The following WDR64 variants were observed in gnomAD, a reference collection of about 807,000 sequenced individuals.
WDR64 encodes WD repeat-containing protein 64.
WDR64 carries 112 observed loss-of-function variants against 139.3 expected under a neutral mutation model. The ratio of observed to expected loss-of-function variants is 0.80; its 90% CI spans 0.69 to 0.94. The LOEUF is 0.94. Ranked by LOEUF, WDR64 falls within the 40% of genes least tolerant of loss-of-function variation. The pLI is 0.00. For missense variants in WDR64, 1,206 were observed against 1,293.1 expected, an observed-to-expected ratio of 0.93 and a Z score of 1.03; for synonymous variants, 444 against 437.7, an observed-to-expected ratio of 1.01 and a Z score of -0.18.
rs1658609904 is a variant in WDR64 at position 241,775,095 on chromosome 1, C to T, written c.2431-10C>T. ...AAGAAAAAGTTTTATTTGCATTATACTTTATTTAGGGAAGACTACTGAAAG... is the reference window on the plus strand; with the variant it reads ...AAGAAAAAGTTTTATTTGCATTATATTTTATTTAGGGAAGACTACTGAAAG... On this transcript the variant is annotated splice_polypyrimidine_tract_variant and intron_variant, in intron 20 of 27. Transcript: ENST00000437684. 1 of 1,545,516 alleles carries T rather than the reference C, an allele frequency of 6.5e-7. No individual in the cohort carries two copies. Among genetic ancestry groups the T allele is most frequent in the South Asian group, 1.2e-5 (1 of 83,182 alleles).
In WDR64 at chr1:241,780,012, G is replaced by A. The variant is rs1221706234; in HGVS notation, c.2545G>A (p.Val849Ile). 6.3e-7 allele frequency: 1 copy of A among 1,589,680 alleles called. No individual in the cohort carries two copies. The highest frequency in any genetic ancestry group is 1.4e-5 in the African/African-American group (1 of 72,932). The stretch of plus-strand genomic sequence containing the variant: ...GTTTAAATTTTATACAGAAGGACAT[G>A]TTATCCTTTGCAATATTAGCTCTTT... Reference protein sequence around the residue: ...ILLAGNVEGHVILCNISSFLD... With the variant: ...ILLAGNVEGHIILCNISSFLD... The change falls in exon 22 of 28, where the codon GTT becomes ATT. Residue 849 changes from valine to isoleucine, a missense_variant. Transcript: ENST00000437684.
At position 241,749,765 on chromosome 1, in the gene WDR64, T is replaced by TC. The variant is rs398090021; in HGVS notation, c.1770+43_1770+44insC. 3 of 1,599,150 alleles carry TC rather than the reference T, an allele frequency of 1.9e-6. No individual in the cohort carries two copies. In the African/African-American group the frequency reaches 4.0e-5, roughly 22 times the overall value. Reference sequence around the variant, plus strand: ...ATACTCGTACTGCAGGTGCCCTTTTTGGGAAAATCAAATGAGTCAGTGGAT... The same window carrying TC: ...ATACTCGTACTGCAGGTGCCCTTTTTCGGGAAAATCAAATGAGTCAGTGGAT... On this transcript the variant is annotated intron_variant, in intron 14 of 27. Coordinates refer to ENST00000437684, the MANE Select transcript of WDR64 (RefSeq NM_001367482.1).
At chr1:241,694,309 T>C (rs999535305) in intron 8 of WDR64, among the ~76,000 whole-genome samples, 4 of 152,210 alleles carry the variant, frequency 2.6e-5, no homozygotes, top group Non-Finnish European at 4.4e-5. Context: ...TACTTTTTTT[T>C]CACTCATTTA....
chr1:241,772,937 G>A lies in WDR64; in HGVS notation c.2430+6G>A. 6.5e-7 allele frequency: 1 copy of A among 1,547,794 alleles called. No homozygotes were observed. Among genetic ancestry groups the A allele is most frequent in the Non-Finnish European group, 8.7e-7 (1 of 1,145,024 alleles). Reference sequence around the variant, plus strand: ...TCCGCTTGTGGACTCTGGAGGTAATGGAACCCAGCAAGTCTGGGAATAGGA... The same window carrying A: ...TCCGCTTGTGGACTCTGGAGGTAATAGAACCCAGCAAGTCTGGGAATAGGA... On this transcript the variant is annotated splice_donor_region_variant and intron_variant, in intron 20 of 27. Coordinates refer to ENST00000437684, the MANE Select transcript of WDR64 (RefSeq NM_001367482.1).
At chr1:241,662,335 A>C (rs900684627) in intron 2 of WDR64, among the ~76,000 whole-genome samples, 1 of 152,136 alleles carries the variant, frequency 6.6e-6, no homozygotes, top group East Asian at 1.9e-4. Flanking sequence ...AAGCTCTGCT[A>C]GGGAAGAATC....
intron 1 of WDR64, among the ~76,000 whole-genome samples, chr1:241,655,180 C>T (rs1167688167): frequency 2.6e-5 from 4 of 152,138 alleles, no homozygotes; most frequent in Non-Finnish European, 5.9e-5. Context: ...GTCAGGAGTT[C>T]AAGACCAGCC....
rs1208519653 is a variant in WDR64 at position 241,675,292 on chromosome 1, CCTCCT to C, written c.483+549_483+553del. 4.9e-5 allele frequency among the ~76,000 whole-genome samples: 7 copies of C among 142,018 alleles called. No individual in the cohort carries two copies. In the East Asian group the frequency reaches 1.5e-3, roughly 31 times the overall value. 93.2% of individuals were successfully genotyped at this position (142,018 alleles called of 152,430 possible). Reference sequence around the variant, plus strand: ...CCTCCCTTCCTCTCTCTCCTCCTCCCCTCCTCTCTTCTTCCCTCCTCCCTTCCTTT... The same window carrying C: ...CCTCCCTTCCTCTCTCTCCTCCTCCCCTCTTCTTCCCTCCTCCCTTCCTTT... On this transcript the variant is annotated intron_variant, in intron 4 of 27. Coordinates refer to ENST00000437684, the MANE Select transcript of WDR64 (RefSeq NM_001367482.1).
At chr1:241,710,825 A>C (rs1182555617) in intron 8 of WDR64, among the ~76,000 whole-genome samples, 2 of 152,266 alleles carry the variant, frequency 1.3e-5, no homozygotes, top group Non-Finnish European at 2.9e-5. Context: ...AAGTCTTCTT[A>C]GAGCACCAGG....
chr1:241,802,536 G>A lies in WDR64; in HGVS notation c.*1321G>A, dbSNP rs548137329. ...TTATTGGATGATATTTCTGCATTTC[G>A]TTGTATGTGAATTTTTTCAAAAAAT... is the stretch of plus-strand genomic sequence containing the variant. On this transcript the variant is annotated 3_prime_UTR_variant, in exon 28 of 28. Coordinates refer to ENST00000437684, the MANE Select transcript of WDR64 (RefSeq NM_001367482.1). Among the ~76,000 whole-genome samples the A allele has an allele frequency of 1.9e-4, 29 of 152,242 alleles. No homozygotes were observed. The East Asian group carries it at 4.8e-3, about 25-fold the overall frequency.
intron 24 of WDR64, 21 bp from the exon 25 acceptor site, chr1:241,790,570 T>C (rs777195476): frequency 1.3e-6 from 2 of 1,583,754 alleles, no homozygotes; most frequent in Non-Finnish European, 1.7e-6. Flanking sequence ...TATGTACTTA[T>C]TCTTGTATCT....
intron 6 of WDR64, among the ~76,000 whole-genome samples, chr1:241,681,074 C>T (rs566414548): frequency 3.6e-4 from 54 of 152,076 alleles, no homozygotes; most frequent in African/African-American, 1.2e-3. Flanking sequence ...CAGGACAAGG[C>T]TCTACAGCCT....
intron 8 of WDR64, among the ~76,000 whole-genome samples, chr1:241,708,550 A>G (rs1574029359): frequency 6.6e-6 from 1 of 152,186 alleles, no homozygotes; most frequent in South Asian, 2.1e-4. Context: ...CTGACCTCAC[A>G]TGATCCGCCC....
intron 14 of WDR64, among the ~76,000 whole-genome samples, chr1:241,752,026 AC>A (rs1047501721): frequency 1.2e-4 from 18 of 151,816 alleles, no homozygotes; most frequent in Non-Finnish European, 2.9e-5. Context: ...TGATTAATTG[AC>A]CCCAAAATCA....
intron 1 of WDR64, among the ~76,000 whole-genome samples, chr1:241,660,064 C>A (rs1439326682): frequency 6.6e-6 from 1 of 152,068 alleles, no homozygotes; most frequent in African/African-American, 2.4e-5. Context: ...GTCTTTAATC[C>A]ATCCTGAGTT....
intron 10 of WDR64, among the ~76,000 whole-genome samples, chr1:241,728,548 G>C (rs1389032966): frequency 6.6e-6 from 1 of 152,070 alleles, no homozygotes; most frequent in Non-Finnish European, 1.5e-5. Flanking sequence ...TCTTAAAATA[G>C]CAAGATTTTT....
intron 27 of WDR64, among the ~76,000 whole-genome samples, chr1:241,799,708 T>G (rs1245852485): frequency 6.6e-6 from 1 of 152,128 alleles, no homozygotes; most frequent in Admixed American, 6.6e-5. Context: ...CCTGGACACT[T>G]AAATGCAATG....
intron 12 of WDR64, 99 bp downstream of exon 12, chr1:241,741,763 C>A: frequency 8.1e-7 from 1 of 1,239,316 alleles, no homozygotes; most frequent in African/African-American, 1.5e-5. Flanking sequence ...AATGTAGCGG[C>A]ACATACGATG....
chr1:241,707,502 T>G (rs1036779884), intron 8 of WDR64, among the ~76,000 whole-genome samples: 1 of 152,208 alleles, frequency 6.6e-6, no homozygotes, highest in African/African-American at 2.4e-5. Flanking sequence ...ATACAAAATT[T>G]TATAGCCAGC....
chr1:241,682,209 G>A (rs1199976455), intron 6 of WDR64, among the ~76,000 whole-genome samples: 1 of 152,164 alleles, frequency 6.6e-6, no homozygotes, highest in African/African-American at 2.4e-5. Flanking sequence ...CTAAGCCAAT[G>A]TCTAGAAAGG....
Sources: allele counts gnomAD v4.1 joint callset (sites outside exome capture counted in the v4.1 genomes callset), GRCh38; gene constraint gnomAD v4.1.1; transcripts MANE v1.5; gene names NCBI Gene and HGNC (gene_info 2026-07-23, HGNC 2026-07-21).